RNF38: variants seen among roughly 807,000 people sequenced by gnomAD.
The protein encoded by RNF38 is ring finger protein 38.
A neutral mutation model predicts 67.2 loss-of-function variants in RNF38; 15 were observed. That is an observed-to-expected ratio of 0.22 (90% CI 0.15 to 0.34). The LOEUF (loss-of-function observed/expected upper bound fraction) is 0.34, where lower values mean the gene tolerates loss of function less well. Among genes scored for constraint, RNF38 ranks in the 10% least tolerant of loss-of-function variants. The pLI is 1.00. For missense variants in RNF38, 524 were observed against 639.9 expected (o/e 0.82, Z 1.95); for synonymous variants, 220 against 218.8 (o/e 1.01, Z -0.05).
chr9:36,428,233 G>T (rs1352969122), intron 1 of RNF38, among the ~76,000 whole-genome samples: 1 of 151,724 alleles, frequency 6.6e-6, no homozygotes, highest in African/African-American at 2.4e-5. Flanking sequence ...TGGCTAACAC[G>T]GTGAAAGCCT....
At chr9:36,463,829 A>C (rs910175884) in intron 1 of RNF38, among the ~76,000 whole-genome samples, 3 of 152,170 alleles carry the variant, frequency 2.0e-5, no homozygotes, top group Admixed American at 6.5e-5. Flanking sequence ...CAAACTCCCT[A>C]GCTCACACTT....
chr9:36,417,752 C>G (rs1261812327), intron 2 of RNF38, among the ~76,000 whole-genome samples: 3 of 152,096 alleles, frequency 2.0e-5, no homozygotes, highest in African/African-American at 7.2e-5. Context: ...CCCAAGTGAC[C>G]TGCCTGCCTT....
intron 1 of RNF38, among the ~76,000 whole-genome samples, chr9:36,436,540 G>A (rs950489060): frequency 6.6e-6 from 1 of 152,014 alleles, no homozygotes; most frequent in African/African-American, 2.4e-5. Context: ...ACTTAAAATC[G>A]TAGCTGGGCG....
intron 3 of RNF38, among the ~76,000 whole-genome samples, chr9:36,375,569 A>T (rs368918971): frequency 6.6e-4 from 100 of 152,350 alleles, no homozygotes; most frequent in African/African-American, 2.3e-3. Context: ...AATGGAGTAG[A>T]AAAGGAGTAG....
At chr9:36,478,661 T>C (rs1840180419) in intron 1 of RNF38, among the ~76,000 whole-genome samples, 1 of 149,490 alleles carries the variant, frequency 6.7e-6, no homozygotes, top group Non-Finnish European at 1.5e-5. Context: ...CTACTAAAAA[T>C]ACAAAATTAG....
At chr9:36,394,258 A>G (rs570604879) in intron 1 of RNF38, among the ~76,000 whole-genome samples, 1 of 152,104 alleles carries the variant, frequency 6.6e-6, no homozygotes, top group African/African-American at 2.4e-5. Flanking sequence ...CTGGCGACAG[A>G]GCAAGACTGT....
chr9:36,393,891 C>T (rs959146571), intron 1 of RNF38, among the ~76,000 whole-genome samples: 1 of 152,060 alleles, frequency 6.6e-6, no homozygotes, highest in Non-Finnish European at 1.5e-5. Flanking sequence ...AAAGCAGTCA[C>T]CAGTTGACGA....
At chr9:36,447,354 T>C (rs1315999950) in intron 1 of RNF38, among the ~76,000 whole-genome samples, 2 of 152,188 alleles carry the variant, frequency 1.3e-5, no homozygotes, top group Admixed American at 1.3e-4. Context: ...CATGAATTGA[T>C]TAAAAGCCTA....
chr9:36,465,214 G>T (rs773682669), intron 1 of RNF38, among the ~76,000 whole-genome samples: 3 of 152,204 alleles, frequency 2.0e-5, no homozygotes, highest in African/African-American at 7.2e-5. Context: ...TTCCTCAAAA[G>T]GTTAAGCTTA....
At chr9:36,462,939 T>G (rs749912894) in intron 1 of RNF38, among the ~76,000 whole-genome samples, 34 of 152,054 alleles carry the variant, frequency 2.2e-4, no homozygotes, top group Non-Finnish European at 3.1e-4. Flanking sequence ...TCTCCCCTGC[T>G]GGGATTACAG....
At chr9:36,365,731 T>C (rs1834898508) in intron 4 of RNF38, among the ~76,000 whole-genome samples, 5 of 126,732 alleles carry the variant, frequency 3.9e-5, no homozygotes, top group Non-Finnish European at 7.9e-5. Context: ...AGTGGTGCAA[T>C]CTTGGCTCAC....
intron 1 of RNF38, among the ~76,000 whole-genome samples, chr9:36,468,583 A>AG (rs1413209569): frequency 1.3e-5 from 2 of 152,140 alleles, no homozygotes; most frequent in African/African-American, 4.8e-5. Flanking sequence ...AGGCCGAGGC[A>AG]GGTGGATCAC....
chr9:36,429,117 T>C (rs1431430645), intron 1 of RNF38, among the ~76,000 whole-genome samples: 1 of 152,248 alleles, frequency 6.6e-6, no homozygotes, highest in Non-Finnish European at 1.5e-5. Context: ...TCTTTGCCAA[T>C]AATTCTGTGA....
intron 2 of RNF38, among the ~76,000 whole-genome samples, chr9:36,407,815 A>T (rs144974665): frequency 6.6e-6 from 1 of 152,318 alleles, no homozygotes; most frequent in African/African-American, 2.4e-5. Flanking sequence ...GCACAAAAAA[A>T]AGTTAGCCAC....
At chr9:36,476,682 C>T (rs1376853536) in intron 1 of RNF38, among the ~76,000 whole-genome samples, 1 of 151,832 alleles carries the variant, frequency 6.6e-6, no homozygotes. Flanking sequence ...CACCACCATG[C>T]CCGGCTAACT....
chr9:36,388,427 A>G (rs1009386671), intron 2 of RNF38, among the ~76,000 whole-genome samples: 1 of 152,234 alleles, frequency 6.6e-6, no homozygotes, highest in East Asian at 1.9e-4. Context: ...AAAATGTAGA[A>G]GTTTGTAATA....
intron 3 of RNF38, chr9:36,372,619 G>T: frequency 1.4e-6 from 1 of 689,918 alleles, no homozygotes; most frequent in South Asian, 1.6e-5. Flanking sequence ...AACAAGAACA[G>T]AATACAGAGT....
intron 2 of RNF38, among the ~76,000 whole-genome samples, chr9:36,416,742 ATTTTTTTTT>A (rs386414907): frequency 0.022 from 1,379 of 63,480 alleles, 37 homozygotes; most frequent in Non-Finnish European, 0.027. Flanking sequence ...CTGCCTCGAT[ATTTTTTTTT>A]TTTTTTTTTT....
chr9:36,341,542 G>C (rs1832832770), intron 11 of RNF38, among the ~76,000 whole-genome samples: 1 of 151,984 alleles, frequency 6.6e-6, no homozygotes, highest in Non-Finnish European at 1.5e-5. Context: ...TTGAGACTAT[G>C]AAACTATGAA....
Sources: allele counts gnomAD v4.1 joint callset (sites outside exome capture counted in the v4.1 genomes callset), GRCh38; gene constraint gnomAD v4.1.1; transcripts MANE v1.5; gene names NCBI Gene and HGNC (gene_info 2026-07-23, HGNC 2026-07-21).